SNX7: variants seen among roughly 807,000 people sequenced by gnomAD.
The protein encoded by SNX7 is sorting nexin-7.
SNX7 carries 35 observed loss-of-function variants against 48.4 expected under a neutral mutation model. That is an observed-to-expected ratio of 0.72 (90% CI 0.55 to 0.96). The LOEUF (loss-of-function observed/expected upper bound fraction) is 0.96, where lower values mean the gene tolerates loss of function less well. Ranked by LOEUF, SNX7 falls within the 40% of genes least tolerant of loss-of-function variation. The pLI is 0.00. For synonymous variants in SNX7, 190 were observed against 190.2 expected (o/e 1.00, Z 0.01); for missense variants, 553 against 548.9 (o/e 1.01, Z -0.07).
intron 4 of SNX7, among the ~76,000 whole-genome samples, chr1:98,694,784 A>G (rs926542890): frequency 4.7e-5 from 7 of 150,502 alleles, no homozygotes; most frequent in African/African-American, 7.3e-5. Flanking sequence ...ATTTTTTTGT[A>G]TTTTTAGTAG....
chr1:98,740,159 C>G (rs1186072159), intron 8 of SNX7, among the ~76,000 whole-genome samples: 1 of 152,028 alleles, frequency 6.6e-6, no homozygotes, highest in Non-Finnish European at 1.5e-5. Flanking sequence ...TGGTAACAAC[C>G]CTAAGTAAAT....
At chr1:98,729,157 A>G (rs766777606) in intron 7 of SNX7, among the ~76,000 whole-genome samples, 13 of 152,208 alleles carry the variant, frequency 8.5e-5, no homozygotes, top group Non-Finnish European at 1.6e-4. Context: ...CCACACAACT[A>G]TATGGAAACT....
chr1:98,714,726 G>GA (rs1652496884), intron 7 of SNX7, among the ~76,000 whole-genome samples: 1 of 152,172 alleles, frequency 6.6e-6, no homozygotes, highest in Non-Finnish European at 1.5e-5. Flanking sequence ...CATGTTCCAG[G>GA]AGGTTTGTTA....
chr1:98,731,035 C>T (rs1653480256), intron 7 of SNX7, among the ~76,000 whole-genome samples: 1 of 151,904 alleles, frequency 6.6e-6, no homozygotes, highest in Non-Finnish European at 1.5e-5. Flanking sequence ...GGCTTAATAC[C>T]TGGGTGATGG....
chr1:98,739,632 A>G (rs760075876), intron 8 of SNX7, among the ~76,000 whole-genome samples: 22 of 152,206 alleles, frequency 1.4e-4, no homozygotes, highest in Non-Finnish European at 1.5e-5. Context: ...AACCTAATCT[A>G]GAAAAAATAA....
intron 7 of SNX7, among the ~76,000 whole-genome samples, chr1:98,707,481 T>A (rs1652069965): frequency 6.6e-6 from 1 of 152,138 alleles, no homozygotes; most frequent in Non-Finnish European, 1.5e-5. Flanking sequence ...AACTTGTGGG[T>A]TTTGCCATTT....
intron 2 of SNX7, among the ~76,000 whole-genome samples, chr1:98,687,973 C>G (rs766574596): frequency 6.6e-6 from 1 of 152,138 alleles, no homozygotes; most frequent in Non-Finnish European, 1.5e-5. Flanking sequence ...CACCTGGCCC[C>G]GCCCTTGACA....
At chr1:98,695,844 C>T in intron 5 of SNX7, 128 bp downstream of exon 5, 2 of 701,116 alleles carry the variant, frequency 2.9e-6, no homozygotes, top group Admixed American at 2.5e-5. Context: ...TCCTAGCCAT[C>T]TTATGGACAT....
At chr1:98,690,589 A>G (rs1651064552) in intron 2 of SNX7, among the ~76,000 whole-genome samples, 1 of 152,120 alleles carries the variant, frequency 6.6e-6, no homozygotes, top group South Asian at 2.1e-4. Flanking sequence ...AAATCCTAGC[A>G]CAGCAATTCA....
intron 1 of SNX7, 90 bp from the exon 2 acceptor site, chr1:98,684,795 T>G: frequency 3.2e-6 from 3 of 923,146 alleles, no homozygotes; most frequent in East Asian, 2.9e-5. Flanking sequence ...CCTTTTGTTC[T>G]TGATATATTT....
chr1:98,704,876 A>G (rs1651937367), intron 7 of SNX7, among the ~76,000 whole-genome samples: 1 of 152,208 alleles, frequency 6.6e-6, no homozygotes, highest in Admixed American at 6.5e-5. Flanking sequence ...AGCTCTAGTA[A>G]GAAAAGCAAA....
At chr1:98,720,737 A>AAT (rs1336519761) in intron 7 of SNX7, among the ~76,000 whole-genome samples, 1 of 152,106 alleles carries the variant, frequency 6.6e-6, no homozygotes, top group Non-Finnish European at 1.5e-5. Flanking sequence ...GACGGTCCAG[A>AAT]ATGGAATATT....
chr1:98,695,141 ATCT>A (rs1651381146), intron 4 of SNX7, among the ~76,000 whole-genome samples: 1 of 152,188 alleles, frequency 6.6e-6, no homozygotes, highest in Admixed American at 6.5e-5. Flanking sequence ...GCCCTGAGAA[ATCT>A]TCTCTCAATC....
intron 1 of SNX7, among the ~76,000 whole-genome samples, chr1:98,680,851 C>G (rs944264324): frequency 2.6e-5 from 4 of 152,158 alleles, no homozygotes; most frequent in African/African-American, 9.7e-5. Flanking sequence ...TAGGAAGTTC[C>G]AAACTTTCCC....
chr1:98,721,792 A>C (rs555397192), intron 7 of SNX7, among the ~76,000 whole-genome samples: 1 of 152,076 alleles, frequency 6.6e-6, no homozygotes, highest in Non-Finnish European at 1.5e-5. Flanking sequence ...CTGCTTTTCT[A>C]GGCTTAGGTT....
In SNX7 at chr1:98,684,996, A is replaced by G. The variant is rs148060882; in HGVS notation, c.292A>G (p.Ile98Val). The G allele has an allele frequency of 2.8e-5, 44 of 1,596,206 alleles. No homozygotes were observed. Among genetic ancestry groups the G allele is most frequent in the Non-Finnish European group, 3.6e-5 (42 of 1,170,112 alleles). ...EDEPDLKDLF[I>V]TVDEPESHVT... ...TGAACCAGATTTAAAGGATCTCTTC[A>G]TCACAGTTGATGAACCTGAAAGTCA... The change falls in exon 2 of 9, where the codon ATC (isoleucine) becomes GTC (valine). Residue 98 changes from isoleucine (I) to valine (V), a missense_variant. Ile to Val is a conservative substitution (Grantham distance 29). Transcript: ENST00000306121.
intron 2 of SNX7, among the ~76,000 whole-genome samples, chr1:98,685,545 T>C (rs1650746066): frequency 6.6e-6 from 1 of 152,188 alleles, no homozygotes; most frequent in African/African-American, 2.4e-5. Flanking sequence ...AAGAGCAAAG[T>C]AGATCTAGAA....
intron 1 of SNX7, among the ~76,000 whole-genome samples, chr1:98,666,422 A>G (rs1214994291): frequency 1.3e-5 from 2 of 152,214 alleles, no homozygotes; most frequent in Non-Finnish European, 2.9e-5. Context: ...GTGCCAAAGC[A>G]GGAGGAAATA....
intron 7 of SNX7, among the ~76,000 whole-genome samples, chr1:98,710,754 A>G (rs1318841732): frequency 6.6e-6 from 1 of 152,214 alleles, no homozygotes; most frequent in Admixed American, 6.5e-5. Flanking sequence ...TAAATATTTC[A>G]TAATGCTTAG....
Sources: gnomAD v4.1 joint callset for allele counts (sites outside exome capture counted in the v4.1 genomes callset) on GRCh38, gnomAD v4.1.1 for gene constraint, MANE v1.5 for transcripts, NCBI Gene and HGNC (gene_info 2026-07-23, HGNC 2026-07-21) for gene names.